Variants in MYO7A observed in about 807,000 individuals in gnomAD.
The protein encoded by MYO7A is myosin VIIA.
MYO7A carries 210 observed loss-of-function variants against 263.8 expected under a neutral mutation model. That is an observed-to-expected ratio of 0.80 (90% CI 0.71 to 0.89). The LOEUF (loss-of-function observed/expected upper bound fraction) is 0.89, where lower values mean the gene tolerates loss of function less well. MYO7A is among the 40% of genes least tolerant of loss of function. The pLI, the probability that MYO7A is intolerant of heterozygous loss-of-function variation, is 0.00. For synonymous variants in MYO7A, 1,239 were observed against 1,197.3 expected, an observed-to-expected ratio of 1.03 and a Z score of -0.72; for missense variants, 2,820 against 2,968.3, an observed-to-expected ratio of 0.95 and a Z score of 1.16.
chr11:77,145,804 G>A (rs1951519160), intron 3 of MYO7A, among the ~76,000 whole-genome samples: 1 of 152,136 alleles, frequency 6.6e-6, no homozygotes, highest in Non-Finnish European at 1.5e-5. Context: ...GCTCTGTCCA[G>A]CGCAGCCCCT....
At chr11:77,178,914 T>C (rs1954911988) in intron 19 of MYO7A, 131 bp from the exon 20 acceptor site, 1 of 680,324 alleles carries the variant, frequency 1.5e-6, no homozygotes, top group Non-Finnish European at 2.6e-6. Flanking sequence ...ACAGAAGTTA[T>C]GTGCCTTGCC....
intron 4 of MYO7A, among the ~76,000 whole-genome samples, chr11:77,155,313 A>T (rs1380498428): frequency 2.0e-5 from 3 of 152,128 alleles, no homozygotes; most frequent in South Asian, 4.1e-4. Flanking sequence ...GCTGCCCAGG[A>T]TGGCTGGAGG....
chr11:77,191,842 C>T (rs1041808148), intron 30 of MYO7A, among the ~76,000 whole-genome samples: 1 of 152,242 alleles, frequency 6.6e-6, no homozygotes, highest in Non-Finnish European at 1.5e-5. Flanking sequence ...CCCACGTCAC[C>T]GTGCCCAGAA....
intron 25 of MYO7A, 61 bp downstream of exon 25, chr11:77,182,661 A>G (rs1291801899): frequency 3.8e-6 from 6 of 1,572,338 alleles, no homozygotes; most frequent in Non-Finnish European, 4.4e-6. Context: ...GGCCGCTGGC[A>G]TCACCAGCCT....
chr11:77,208,614 G>A, intron 43 of MYO7A, 83 bp from the exon 44 acceptor site: 3 of 1,502,686 alleles, frequency 2.0e-6, no homozygotes, highest in Non-Finnish European at 2.7e-6. Flanking sequence ...GCCTGAGTGA[G>A]GGCCTCCTCT....
intron 35 of MYO7A, among the ~76,000 whole-genome samples, 176 bp downstream of exon 35, chr11:77,199,994 C>G (rs1204388675): frequency 1.3e-5 from 2 of 152,194 alleles, no homozygotes; most frequent in Non-Finnish European, 2.9e-5. Flanking sequence ...GCTGGCTGGG[C>G]ACGGTGGCTT....
intron 35 of MYO7A, among the ~76,000 whole-genome samples, chr11:77,200,096 C>T (rs1956959987): frequency 6.6e-6 from 1 of 151,920 alleles, no homozygotes; most frequent in Non-Finnish European, 1.5e-5. Context: ...TAGTGAGACC[C>T]TCGTCTCTAC....
chr11:77,144,823 C>G (rs1951453259), intron 3 of MYO7A, among the ~76,000 whole-genome samples: 1 of 152,198 alleles, frequency 6.6e-6, no homozygotes, highest in South Asian at 2.1e-4. Context: ...TTGCCTTTGT[C>G]CAAGCCATTT....
At chr11:77,192,601 C>T (rs538499839) in intron 31 of MYO7A, among the ~76,000 whole-genome samples, 4 of 152,124 alleles carry the variant, frequency 2.6e-5, no homozygotes, top group South Asian at 2.1e-4. Context: ...ATCTAGTAAG[C>T]GCTGCATTAA....
intron 32 of MYO7A, among the ~76,000 whole-genome samples, chr11:77,195,057 A>G (rs867507): frequency 0.58 from 88,211 of 151,784 alleles, 26,125 homozygotes; most frequent in African/African-American, 0.68. Flanking sequence ...AGGGGACCCA[A>G]GGCCGCCTCA....
intron 4 of MYO7A, among the ~76,000 whole-genome samples, chr11:77,151,735 C>T (rs1262051378): frequency 6.6e-6 from 1 of 152,248 alleles, no homozygotes; most frequent in Non-Finnish European, 1.5e-5. Context: ...GGCCAGAGGG[C>T]TCAGGGAGCA....
At chr11:77,161,203 G>T (rs374387188) in intron 12 of MYO7A, 88 bp downstream of exon 12, 2 of 1,522,496 alleles carry the variant, frequency 1.3e-6, no homozygotes, top group South Asian at 1.2e-5. Flanking sequence ...AGCACATTTA[G>T]TTGGCTCCTG....
At chr11:77,151,860 C>T (rs1951996638) in intron 4 of MYO7A, among the ~76,000 whole-genome samples, 1 of 152,222 alleles carries the variant, frequency 6.6e-6, no homozygotes, top group South Asian at 2.1e-4. Context: ...TCTGTCAGTC[C>T]CATGAGTGTG....
At position 77,187,948 on chromosome 11, in the gene MYO7A, G is replaced by T. The variant is rs147963771; in HGVS notation, c.3504-1396G>T. Among the ~76,000 whole-genome samples the T allele has an allele frequency of 3.6e-3, 555 of 152,320 alleles. 3 individuals are homozygous for T. The highest frequency in any genetic ancestry group is 0.012 in the African/African-American group (512 of 41,566). On this transcript the variant is annotated intron_variant, in intron 27 of 48. Coordinates refer to ENST00000409709, the MANE Select transcript of MYO7A (RefSeq NM_000260.4). ...CAAGGCTAGTCACTACCTCACCGGG[G>T]TGGCCACACTGCCCAGGGCCACCTG...
chr11:77,192,871 G>GTGTTGATGGTGGGGAGGTAGTGATGGTGT (rs1956205946), intron 31 of MYO7A, among the ~76,000 whole-genome samples: 1 of 151,434 alleles, frequency 6.6e-6, no homozygotes, highest in Non-Finnish European at 1.5e-5. Flanking sequence ...AATGATGATG[G>GTGTTGATGGTGGGGAGGTAGTGATGGTGT]TGGTGATGGT....
At chr11:77,178,688 A>C (rs956103997) in intron 19 of MYO7A, among the ~76,000 whole-genome samples, 1 of 152,230 alleles carries the variant, frequency 6.6e-6, no homozygotes, top group East Asian at 1.9e-4. Flanking sequence ...TCTAGTCCCA[A>C]CCTATCAAGT....
chr11:77,142,050 C>T (rs1555050888), intron 2 of MYO7A, among the ~76,000 whole-genome samples: 1 of 152,200 alleles, frequency 6.6e-6, no homozygotes, highest in East Asian at 1.9e-4. Flanking sequence ...GTTCTTAGTC[C>T]ATTTCTCTGA....
intron 2 of MYO7A, among the ~76,000 whole-genome samples, chr11:77,141,560 T>C (rs1367134269): frequency 6.6e-6 from 1 of 152,162 alleles, no homozygotes; most frequent in Non-Finnish European, 1.5e-5. Flanking sequence ...TAGAATAAAA[T>C]CTAAGCTTGT....
In MYO7A at chr11:77,204,224, C is replaced by T; in HGVS notation, c.5475C>T (p.His1825=). The change falls in exon 39 of 49, where the codon CAC becomes CAT. Residue 1825 remains histidine (H), a synonymous_variant. Transcript: ENST00000409709. Reference sequence around the variant, plus strand: ...TCCTGAAGCAGCTGACCGACAACCACATCAGGTGAGCCAGGCACAGTGGGC... The same window carrying T: ...TCCTGAAGCAGCTGACCGACAACCATATCAGGTGAGCCAGGCACAGTGGGC... ...VQILKQLTDN[H]IRYSEERGWE... 3 of 1,572,072 alleles carry T rather than the reference C, an allele frequency of 1.9e-6. No homozygotes were observed. In the South Asian group the frequency reaches 3.5e-5, roughly 18 times the overall value.
Sources: allele counts gnomAD v4.1 joint callset (sites outside exome capture counted in the v4.1 genomes callset), GRCh38; gene constraint gnomAD v4.1.1; transcripts MANE v1.5; gene names NCBI Gene and HGNC (gene_info 2026-07-23, HGNC 2026-07-21).